RBM6: variants seen among roughly 807,000 people sequenced by gnomAD.
The protein encoded by RBM6 is RNA binding motif protein 6, also known as RNA-binding protein 6.
A neutral mutation model predicts 140.4 loss-of-function variants in RBM6; 23 were observed. The ratio of observed to expected loss-of-function variants is 0.16; its 90% CI spans 0.12 to 0.23. The LOEUF (loss-of-function observed/expected upper bound fraction) is 0.23. Ranked by LOEUF, RBM6 falls within the 10% of genes least tolerant of loss-of-function variation. The pLI, the probability that RBM6 is intolerant of heterozygous loss-of-function variation, is 1.00. For synonymous variants in RBM6, 439 were observed against 475.6 expected (o/e 0.92, Z 1.00); for missense variants, 1,139 against 1,386.7 (o/e 0.82, Z 2.84).
At chr3:50,075,687 C>T (rs2090438835) in intron 20 of RBM6, among the ~76,000 whole-genome samples, 1 of 152,132 alleles carries the variant, frequency 6.6e-6, no homozygotes, top group Non-Finnish European at 1.5e-5. Flanking sequence ...GGACTGTCAG[C>T]GGAAGTCTTT....
At chr3:49,956,327 G>A (rs148857550) in intron 1 of RBM6, among the ~76,000 whole-genome samples, 1 of 122,682 alleles carries the variant, frequency 8.2e-6, no homozygotes, top group African/African-American at 3.1e-5. Context: ...CCCCTCCCCC[G>A]CTTTTTTTTT....
rs574400166 is a variant in RBM6, at chr3:49,982,303, G to T, written c.1483+6911G>T. Among the ~76,000 whole-genome samples, 12 of 127,890 alleles carry T rather than the reference G, an allele frequency of 9.4e-5. No individual in the cohort carries two copies. The East Asian group carries it at 2.6e-3, about 28-fold the overall frequency. 83.9% of individuals were successfully genotyped at this position (127,890 alleles called of 152,430 possible). A position where few individuals can be genotyped will look rare whatever the true frequency, so the allele number is the denominator to read the frequency against. ...TTTTTTTTTTTTTGGTAGAAACAAG[G>T]TCTTGCTTTGTTGCCCAGGCTGCCC... On this transcript the variant is annotated intron_variant, in intron 5 of 20. Coordinates refer to ENST00000266022, the MANE Select transcript of RBM6 (RefSeq NM_005777.3).
chr3:50,019,705 G>C (rs1331446553), intron 6 of RBM6, among the ~76,000 whole-genome samples: 4 of 152,064 alleles, frequency 2.6e-5, no homozygotes, highest in Non-Finnish European at 1.5e-5. Flanking sequence ...ATGTTAGTGG[G>C]AAGAAAGCAT....
Position 50,061,210 on chromosome 3 carries a change from A to G in RBM6, c.2342A>G (p.Gln781Arg). The change falls in exon 13 of 21, where the codon CAA becomes CGA. Residue 781 changes from glutamine to arginine, a missense_variant. This residue lies in a region of RBM6 where 163 missense variants were observed against 182.8 expected (regional missense o/e 0.89). Transcript: ENST00000266022. The part of the protein sequence containing the change: ...NSDWSSDTNR[Q>R]GQQSSSDCYI... ...GACTGGTCTTCAGATACAAATCGACAAGGACAACAGTGTAAGTAACCTTTG... is the reference window on the plus strand; with the variant it reads ...GACTGGTCTTCAGATACAAATCGACGAGGACAACAGTGTAAGTAACCTTTG... 2.5e-6 allele frequency: 4 copies of G among 1,614,214 alleles called. No homozygotes were observed. The South Asian group carries it at 3.3e-5, about 13-fold the overall frequency.
In RBM6 at chr3:49,967,752, T is replaced by C. The variant is rs2084570658; in HGVS notation, c.327T>C (p.Asp109=). 1 of 1,613,796 alleles carries C rather than the reference T, an allele frequency of 6.2e-7. No homozygotes were observed. Among genetic ancestry groups the C allele is most frequent in the Non-Finnish European group, 8.5e-7 (1 of 1,179,990 alleles). Residue 109 remains aspartate, a synonymous_variant, in exon 3 of 21, where the codon GAT becomes GAC. Transcript: ENST00000266022. This position sits in a 1 kb window ranked among gnomAD's most constrained non-coding sequence, Gnocchi z 4.0. ...DFSSSDFQSR[D]SSQLDFRGRD... ...CGTCTTCTGATTTCCAGAGCAGAGA[T>C]TCATCACAGTTGGACTTCAGGGGTA...
At chr3:49,994,669 G>GGT (rs59949998) in intron 5 of RBM6, among the ~76,000 whole-genome samples, 2,952 of 148,256 alleles carry the variant, frequency 0.02, 26 homozygotes, top group Middle Eastern at 0.032. Context: ...AAGGCTGTGG[G>GGT]GTGTGTGTGT....
chr3:50,060,522 C>G (rs1315615244), intron 11 of RBM6, among the ~76,000 whole-genome samples: 1 of 151,398 alleles, frequency 6.6e-6, no homozygotes, highest in African/African-American at 2.4e-5. Flanking sequence ...CCGAGGCGGG[C>G]AGATCATGAG....
At chr3:49,984,596 A>ATCGCATCG in intron 5 of RBM6, among the ~76,000 whole-genome samples, 1 of 86,356 alleles carries the variant, frequency 1.2e-5, no homozygotes, top group African/African-American at 6.5e-5. Flanking sequence ...ACATCACATC[A>ATCGCATCG]CATCACATCA....
At position 49,968,169 on chromosome 3, in the gene RBM6, G is replaced by A. The variant is rs199621490; in HGVS notation, c.744G>A (p.Arg248=). ...RGSGTTDLDF[R]DRDTPHSDFR... is the part of the protein sequence containing the mutation. ...CAGGTACTACTGATCTAGACTTTAG[G>A]GACAGGGATACGCCACATTCAGATT... The change falls in exon 3 of 21, where the codon AGG becomes AGA. Residue 248 remains arginine (R), a synonymous_variant. Coordinates refer to ENST00000266022, the MANE Select transcript of RBM6 (RefSeq NM_005777.3). The A allele has an allele frequency of 7.2e-5, 117 of 1,614,014 alleles. No individual in the cohort carries two copies. In the East Asian group the frequency reaches 2.5e-3, roughly 34 times the overall value.
chr3:49,980,057 A>G (rs1419067801), intron 5 of RBM6, among the ~76,000 whole-genome samples: 1 of 151,732 alleles, frequency 6.6e-6, no homozygotes, highest in East Asian at 1.9e-4. Context: ...CTGGAGCGTA[A>G]TGGCGCGATC....
intron 6 of RBM6, among the ~76,000 whole-genome samples, chr3:50,038,847 AAAG>A (rs1195354841): frequency 4.6e-5 from 7 of 152,176 alleles, no homozygotes; most frequent in African/African-American, 1.7e-4. Context: ...AAAAGAAGAA[AAAG>A]AAGAAAAGAA....
intron 5 of RBM6, among the ~76,000 whole-genome samples, chr3:49,997,389 C>T (rs2086135597): frequency 6.6e-6 from 1 of 152,118 alleles, no homozygotes; most frequent in South Asian, 2.1e-4. Context: ...GTCTACTTGT[C>T]CTTTAGCAAA....
intron 1 of RBM6, among the ~76,000 whole-genome samples, chr3:49,943,985 G>C (rs999531470): frequency 6.6e-6 from 1 of 152,058 alleles, no homozygotes; most frequent in Non-Finnish European, 1.5e-5. Context: ...GTGGTATCTC[G>C]TTGTGTTTTC....
intron 6 of RBM6, among the ~76,000 whole-genome samples, chr3:50,010,455 A>T (rs923139830): frequency 2.0e-5 from 3 of 151,982 alleles, no homozygotes; most frequent in East Asian, 3.9e-4. Context: ...CTTTTTTGGG[A>T]TGAGGAAAAT....
At chr3:50,040,471 A>AAAAAT (rs2088834802) in intron 6 of RBM6, among the ~76,000 whole-genome samples, 18 of 33,508 alleles carry the variant, frequency 5.4e-4, no homozygotes, top group African/African-American at 1.7e-3. Context: ...AAAAAAAAAA[A>AAAAAT]ATATATATAT....
At chr3:50,037,482 T>C (rs1478853804) in intron 6 of RBM6, among the ~76,000 whole-genome samples, 1 of 152,134 alleles carries the variant, frequency 6.6e-6, no homozygotes, top group African/African-American at 2.4e-5. Context: ...AGAGGCTCTG[T>C]ATTTTATTAA....
chr3:50,016,457 T>C (rs1259387757), intron 6 of RBM6, among the ~76,000 whole-genome samples: 3 of 152,106 alleles, frequency 2.0e-5, no homozygotes, highest in African/African-American at 7.2e-5. Context: ...GGATATATAC[T>C]GTACCCAAAA....
intron 6 of RBM6, among the ~76,000 whole-genome samples, chr3:50,044,765 C>G (rs1023599714): frequency 3.3e-5 from 5 of 152,146 alleles, no homozygotes; most frequent in African/African-American, 1.2e-4. Context: ...CTTGGTATAT[C>G]TGAGTTGCCT....
chr3:50,018,611 T>TG (rs2087309719), intron 6 of RBM6, among the ~76,000 whole-genome samples: 1 of 95,644 alleles, frequency 1.0e-5, no homozygotes, highest in Non-Finnish European at 2.0e-5. Flanking sequence ...TTTTTTTTTT[T>TG]GACACGGAGC....
Sources: allele counts gnomAD v4.1 joint callset (sites outside exome capture counted in the v4.1 genomes callset), GRCh38; gene constraint gnomAD v4.1.1; regional missense constraint gnomAD v4.1.1; non-coding constraint Gnocchi (gnomAD v3.1); transcripts MANE v1.5; gene names NCBI Gene and HGNC (gene_info 2026-07-23, HGNC 2026-07-21).